The following TM4SF1 variants were observed in gnomAD, a reference collection of about 807,000 sequenced individuals.
TM4SF1 encodes the protein transmembrane 4 L6 family member 1.
A neutral mutation model predicts 24.5 loss-of-function variants in TM4SF1; 20 were observed. The observed-to-expected ratio is 0.82, with a 90% CI of 0.57 to 1.19. The LOEUF (loss-of-function observed/expected upper bound fraction) is 1.19. Ranked by LOEUF, TM4SF1 falls within the 50% of genes most tolerant of loss-of-function variation. The pLI, the probability that TM4SF1 is intolerant of heterozygous loss-of-function variation, is 0.00. For synonymous variants in TM4SF1, 107 were observed against 95.4 expected, an observed-to-expected ratio of 1.12 and a Z score of -0.71; for missense variants, 258 against 248.1, an observed-to-expected ratio of 1.04 and a Z score of -0.27.
intron 4 of TM4SF1, chr3:149,370,140 C>A: frequency 2.8e-6 from 1 of 361,814 alleles, no homozygotes; most frequent in South Asian, 4.0e-5. Context: ...GCTTTGAGTG[C>A]ATTTGTGTGG....
Position 149,375,599 on chromosome 3 carries a change from G to A in TM4SF1, c.268-11C>T. The A allele has an allele frequency of 6.2e-7, 1 of 1,614,200 alleles. No individual in the cohort carries two copies. Among genetic ancestry groups the A allele is most frequent in the Non-Finnish European group, 8.5e-7 (1 of 1,180,028 alleles). On this transcript the variant is annotated splice_polypyrimidine_tract_variant and intron_variant, in intron 2 of 4. Coordinates refer to ENST00000305366, the MANE Select transcript of TM4SF1 (RefSeq NM_014220.3). ...TACAGAAGAAAGCATCTAGGGAAAAGCAGACACACAGGAAGTGAGCCACAG... is the reference window on the plus strand; with the variant it reads ...TACAGAAGAAAGCATCTAGGGAAAAACAGACACACAGGAAGTGAGCCACAG...
At chr3:149,373,898 G>T (rs778954904) in intron 3 of TM4SF1, among the ~76,000 whole-genome samples, 9 of 152,158 alleles carry the variant, frequency 5.9e-5, no homozygotes, top group Non-Finnish European at 8.8e-5. Context: ...TTTCTTAGAA[G>T]TCTGTTTGTG....
chr3:149,371,309 G>T (rs149734434), intron 4 of TM4SF1: 220 of 384,450 alleles, frequency 5.7e-4, no homozygotes, highest in Non-Finnish European at 9.0e-4. Flanking sequence ...CTGATGCATT[G>T]AATGGTTGGC....
chr3:149,371,712 C>T lies in TM4SF1; in HGVS notation c.569G>A (p.Cys190Tyr). The part of the protein sequence containing the change: ...QVINGVLGGI[C>Y]GFCCSHQQQY... The stretch of plus-strand genomic sequence containing the variant: ...CTGTTGGTGAGAGCAGCAAAAGCCA[C>T]ATATGCCTCCAAGCACTCCATTTAT... Residue 190 changes from cysteine (C) to tyrosine (Y), a missense_variant, in exon 4 of 5, where the codon TGT becomes TAT. Physicochemically the swap from Cys to Tyr is radical, Grantham distance 194 (BLOSUM62 -2). Coordinates refer to ENST00000305366, the MANE Select transcript of TM4SF1 (RefSeq NM_014220.3). 6.2e-7 allele frequency: 1 copy of T among 1,614,186 alleles called. No homozygotes were observed. Among genetic ancestry groups the T allele is most frequent in the Non-Finnish European group, 8.5e-7 (1 of 1,180,022 alleles).
intron 4 of TM4SF1, chr3:149,371,460 G>A (rs934383630): frequency 8.2e-6 from 5 of 606,998 alleles, no homozygotes; most frequent in Non-Finnish European, 1.5e-5. Context: ...ATGTTCTTGT[G>A]TACATAGAGC....
rs769617799 is a variant in TM4SF1, at chr3:149,375,705, T to C, written c.242A>G (p.His81Arg). 4 of 1,614,214 alleles carry C rather than the reference T, an allele frequency of 2.5e-6. No individual in the cohort carries two copies. The South Asian group carries it at 4.4e-5, about 18-fold the overall frequency. Residue 81 changes from histidine (H) to arginine (R), a missense_variant, in exon 2 of 5, where the codon CAT (histidine) becomes CGT (arginine). Transcript: ENST00000305366. ...CGCACATCGTTTGCCACAGTTTTCA[T>C]GGCCACAGCAGCCACAGCAGTCATC... Reference protein sequence around the residue: ...EQDDCCGCCGHENCGKRCAML... With the variant: ...EQDDCCGCCGRENCGKRCAML...
chr3:149,375,823 T>C, intron 1 of TM4SF1, 54 bp from the exon 2 acceptor site: 1 of 1,538,904 alleles, frequency 6.5e-7, no homozygotes, highest in Non-Finnish European at 9.0e-7. Context: ...CTCATATGGG[T>C]CAGGTTAGGC....
At chr3:149,371,986 G>T (rs1731834665) in intron 3 of TM4SF1, 119 bp from the exon 4 acceptor site, 1 of 973,072 alleles carries the variant, frequency 1.0e-6, no homozygotes, top group Non-Finnish European at 1.5e-6. Context: ...AATATCCTGT[G>T]TAAGTTTCTT....
chr3:149,370,400 C>A (rs1458002475), intron 4 of TM4SF1: 2 of 153,482 alleles, frequency 1.3e-5, no homozygotes, highest in African/African-American at 4.8e-5. Flanking sequence ...TACCCCAAAT[C>A]AGAGGAGAGT....
chr3:149,372,224 G>C (rs1432154160), intron 3 of TM4SF1, among the ~76,000 whole-genome samples: 1 of 152,174 alleles, frequency 6.6e-6, no homozygotes, highest in African/African-American at 2.4e-5. Flanking sequence ...TAAGATTCAT[G>C]TATGTGTAGG....
Position 149,371,841 on chromosome 3 carries a change from G to C in TM4SF1, c.440C>G (p.Ser147Cys), listed in dbSNP as rs746353953. Reference sequence around the variant, plus strand: ...AATGTGCTTGGGTTCAGTGCACTCGGACCATGTGGAGGTATCCAGAAGGTA... The same window carrying C: ...AATGTGCTTGGGTTCAGTGCACTCGCACCATGTGGAGGTATCCAGAAGGTA... ...GQYLLDTSTW[S>C]ECTEPKHIVE... The change falls in exon 4 of 5, where the codon TCC becomes TGC. Residue 147 changes from serine (S) to cysteine (C), a missense_variant. Transcript: ENST00000305366. The C allele has an allele frequency of 1.9e-6, 3 of 1,614,044 alleles. No individual in the cohort carries two copies. In the Admixed American group the frequency reaches 5.0e-5, roughly 27 times the overall value.
In TM4SF1 at chr3:149,369,735, A is replaced by T; in HGVS notation, c.*131T>A. On this transcript the variant is annotated 3_prime_UTR_variant, in exon 5 of 5. Transcript: ENST00000305366. ...ACATCCTGTGAAGATGCCAGTCTTTACAGGCGTTTGTAAAAGTAGACTGTG... is the reference window on the plus strand; with the variant it reads ...ACATCCTGTGAAGATGCCAGTCTTTTCAGGCGTTTGTAAAAGTAGACTGTG... 1 of 1,100,210 alleles carries T rather than the reference A, an allele frequency of 9.1e-7. No individual in the cohort carries two copies. The highest frequency in any genetic ancestry group is 1.3e-6 in the Non-Finnish European group (1 of 755,304). The allele number at this position is 1,100,210 out of a possible 1,614,324, so 68.2% of individuals were successfully genotyped here.
At position 149,377,013 on chromosome 3, in the gene TM4SF1, A is replaced by T. The variant is rs184009214; in HGVS notation, c.177+358T>A. 2.0e-4 allele frequency among the ~76,000 whole-genome samples: 30 copies of T among 152,342 alleles called. 1 individual carries two copies. In the East Asian group the frequency reaches 5.6e-3, roughly 28 times the overall value. On this transcript the variant is annotated intron_variant, in intron 1 of 4. Coordinates refer to ENST00000305366, the MANE Select transcript of TM4SF1 (RefSeq NM_014220.3). ...TCAAAACTGTTGATTTAGGCAGAGA[A>T]CCAGCCAACCCCTTCCGGCTCCCCA...
chr3:149,374,857 C>G (rs1731910474), intron 3 of TM4SF1, among the ~76,000 whole-genome samples: 1 of 152,120 alleles, frequency 6.6e-6, no homozygotes, highest in African/African-American at 2.4e-5. Flanking sequence ...ATGTATTACA[C>G]TTAATCAGGC....
rs1294513262 is a variant in TM4SF1, at chr3:149,377,518, G to A, written c.30C>T (p.Ile10=). ...GGGCGAGCCCCACCAGAGAATGTCC[G>A]ATGCATCGTGCACACTTCCCATAGC... MCYGKCARC[I]GHSLVGLALL... Residue 10 remains isoleucine, a synonymous_variant, in exon 1 of 5, where the codon ATC becomes ATT. Transcript: ENST00000305366. 2.5e-6 allele frequency: 4 copies of A among 1,613,930 alleles called. No homozygotes were observed. The highest frequency in any genetic ancestry group is 2.5e-6 in the Non-Finnish European group (3 of 1,179,992).
intron 4 of TM4SF1, 117 bp from the exon 5 acceptor site, chr3:149,369,997 G>A (rs1028645979): frequency 2.3e-6 from 3 of 1,304,846 alleles, no homozygotes; most frequent in Non-Finnish European, 3.2e-6. Context: ...CTTCAGCAAA[G>A]CTTAGGCCAA....
At position 149,377,647 on chromosome 3, in the gene TM4SF1, A is replaced by C; in HGVS notation, c.-100T>G. ...CCTTCTGGTGGAGAAAGCAAACACCACTCTCAGCCCATTCCTGCTACCTCT... is the reference window on the plus strand; with the variant it reads ...CCTTCTGGTGGAGAAAGCAAACACCCCTCTCAGCCCATTCCTGCTACCTCT... On this transcript the variant is annotated 5_prime_UTR_variant, in exon 1 of 5. Coordinates refer to ENST00000305366, the MANE Select transcript of TM4SF1 (RefSeq NM_014220.3). 6.7e-7 allele frequency: 1 copy of C among 1,494,924 alleles called. No homozygotes were observed. The highest frequency in any genetic ancestry group is 8.9e-7 in the Non-Finnish European group (1 of 1,123,170). 92.6% of individuals were successfully genotyped at this position (1,494,924 alleles called of 1,614,324 possible).
intron 3 of TM4SF1, among the ~76,000 whole-genome samples, chr3:149,374,833 T>G (rs1731909606): frequency 1.3e-5 from 2 of 152,230 alleles, no homozygotes; most frequent in African/African-American, 2.4e-5. Flanking sequence ...AATACTTTCT[T>G]ATAAAGTAGT....
chr3:149,370,015 T>A, intron 4 of TM4SF1, 135 bp from the exon 5 acceptor site: 1 of 1,114,812 alleles, frequency 9.0e-7, no homozygotes, highest in Non-Finnish European at 1.3e-6. Context: ...CAACCATACT[T>A]AGGGCTTGGA....
Sources: allele counts gnomAD v4.1 joint callset (sites outside exome capture counted in the v4.1 genomes callset), GRCh38; gene constraint gnomAD v4.1.1; transcripts MANE v1.5; gene names NCBI Gene and HGNC (gene_info 2026-07-23, HGNC 2026-07-21).